The following PIK3R5 variants were observed in gnomAD, a reference collection of about 807,000 sequenced individuals.
PIK3R5 encodes the protein phosphoinositide 3-kinase regulatory subunit 5.
In PIK3R5, 32 loss-of-function variants were observed where a neutral mutation model predicts 94.9. The observed-to-expected ratio is 0.34, with a 90% confidence interval of 0.25 to 0.45. The LOEUF (loss-of-function observed/expected upper bound fraction) is 0.45, where lower values mean the gene tolerates loss of function less well. Among genes scored for constraint, PIK3R5 ranks in the 20% least tolerant of loss-of-function variants. The pLI is 1.00. For missense variants in PIK3R5, 853 were observed against 1,144.6 expected, an observed-to-expected ratio of 0.75 and a Z score of 3.68; for synonymous variants, 443 against 479.4, an observed-to-expected ratio of 0.92 and a Z score of 0.99.
rs1451783022 is a variant in PIK3R5 at position 8,965,703 on chromosome 17, C to A, written c.-121G>T. 1.3e-5 allele frequency: 2 copies of A among 152,288 alleles called. No individual in the cohort carries two copies. The highest frequency in any genetic ancestry group is 2.9e-5 in the Non-Finnish European group (2 of 68,086). The allele number at this position is 152,288 out of a possible 1,614,324, so 9.4% of individuals were successfully genotyped here. ...GCTGGAGCCGCGCGGCGAGCCGCAG[C>A]ATCTGCCCAGCCTGGGCTCCTCCGG... is the stretch of plus-strand genomic sequence containing the variant. On this transcript the variant is annotated 5_prime_UTR_variant, in exon 1 of 19. An upstream start codon of the reference 5' UTR is lost. Transcript: ENST00000447110.
chr17:8,918,557 C>T (rs1481115593), intron 1 of PIK3R5, among the ~76,000 whole-genome samples: 1 of 151,998 alleles, frequency 6.6e-6, no homozygotes, highest in Non-Finnish European at 1.5e-5. Flanking sequence ...GTCTTCTTTA[C>T]AAAAGAATTC....
intron 1 of PIK3R5, among the ~76,000 whole-genome samples, chr17:8,960,982 G>A (rs1440440730): frequency 1.3e-5 from 2 of 152,276 alleles, no homozygotes; most frequent in East Asian, 3.9e-4. Flanking sequence ...AGGGTGAGCA[G>A]GCCATAGCTG....
rs553998070 is a variant in PIK3R5 at position 8,962,276 on chromosome 17, A to G, written c.-14+3320T>C. On this transcript the variant is annotated intron_variant, in intron 1 of 18. Transcript: ENST00000447110. ...CACCATGAAGTCATAGCCAAAGGAG[A>G]AAAGGACAGGGAGAAAGATGAAAGA... is the stretch of plus-strand genomic sequence containing the variant. Among the ~76,000 whole-genome samples, 178 of 152,310 alleles carry G rather than the reference A, an allele frequency of 1.2e-3. 2 individuals carry two copies. The highest frequency in any genetic ancestry group is 4.0e-3 in the African/African-American group (166 of 41,568).
At chr17:8,894,600 G>C (rs2090108156) in intron 5 of PIK3R5, among the ~76,000 whole-genome samples, 1 of 152,162 alleles carries the variant, frequency 6.6e-6, no homozygotes. Context: ...ACACACCAAA[G>C]GTTTTCCTTT....
At chr17:8,910,660 G>C (rs987903746) in intron 2 of PIK3R5, among the ~76,000 whole-genome samples, 1 of 152,166 alleles carries the variant, frequency 6.6e-6, no homozygotes, top group African/African-American at 2.4e-5. Context: ...CAGCCTCTCA[G>C]AGGAAGCGAC....
chr17:8,882,146 G>T lies in PIK3R5; in HGVS notation c.2206-265C>A. The stretch of plus-strand genomic sequence containing the variant: ...AGAGCTGAGAGCACCTGCAGGGGTG[G>T]TCCTGAAGCTCTCCTGCCGGGCCCA... On this transcript the variant is annotated intron_variant, in intron 15 of 18. Transcript: ENST00000447110. The surrounding 1 kb of genome is among the most constrained non-coding windows in gnomAD (Gnocchi z 4.1). 4.2e-6 allele frequency: 2 copies of T among 481,896 alleles called. No individual in the cohort carries two copies. The highest frequency in any genetic ancestry group is 1.1e-3 in the Middle Eastern group (2 of 1,814). 29.9% of individuals were successfully genotyped at this position (481,896 alleles called of 1,614,324 possible).
intron 1 of PIK3R5, among the ~76,000 whole-genome samples, chr17:8,949,992 T>A (rs938773024): frequency 2.0e-5 from 3 of 152,178 alleles, no homozygotes; most frequent in African/African-American, 7.2e-5. Flanking sequence ...TATACATTAT[T>A]AAAAGACAGT....
At chr17:8,920,417 C>T (rs1369045686) in intron 1 of PIK3R5, among the ~76,000 whole-genome samples, 2 of 152,284 alleles carry the variant, frequency 1.3e-5, no homozygotes, top group East Asian at 3.9e-4. Flanking sequence ...AAAACAAAGG[C>T]TCTGAGTGGT....
Position 8,883,424 on chromosome 17 carries a change from T to C in PIK3R5, c.2205+1283A>G, listed in dbSNP as rs61761122. ...TTCATTGCAATTAAGGCTCTTGGTATGCTGGTCCCCCATTTCTTTAGCCTC... is the reference window on the plus strand; with the variant it reads ...TTCATTGCAATTAAGGCTCTTGGTACGCTGGTCCCCCATTTCTTTAGCCTC... On this transcript the variant is annotated intron_variant, in intron 15 of 18. Transcript: ENST00000447110. Among the ~76,000 whole-genome samples, 1,312 of 152,344 alleles carry C rather than the reference T, an allele frequency of 8.6e-3. 26 individuals are homozygous for C. The highest frequency in any genetic ancestry group is 0.03 in the African/African-American group (1,247 of 41,592).
Position 8,888,382 on chromosome 17 carries a change from G to T in PIK3R5, c.1405C>A (p.Pro469Thr). The T allele has an allele frequency of 6.2e-7, 1 of 1,605,254 alleles. No individual in the cohort carries two copies. The highest frequency in any genetic ancestry group is 8.5e-7 in the Non-Finnish European group (1 of 1,177,532). Residue 469 changes from proline to threonine, a missense_variant, in exon 10 of 19, where the codon CCC (proline) becomes ACC (threonine). By Grantham distance (38) the Pro-to-Thr change is conservative. This residue lies in a region of PIK3R5 where 319 missense variants were observed against 339.8 expected (regional missense o/e 0.94). Transcript: ENST00000447110. This position sits in a 1 kb window ranked among gnomAD's most constrained non-coding sequence, Gnocchi z 7.8. ...LCSPLDEPVSPPSRAQRSRSL... is the reference protein window; with the variant it reads ...LCSPLDEPVSTPSRAQRSRSL... ...CGGGAGCGCTGGGCCCGGGAAGGGGGTGATACTGGTTCGTCCAGGGGGCTG... is the reference window on the plus strand; with the variant it reads ...CGGGAGCGCTGGGCCCGGGAAGGGGTTGATACTGGTTCGTCCAGGGGGCTG...
intron 1 of PIK3R5, among the ~76,000 whole-genome samples, chr17:8,924,604 T>C (rs1038645714): frequency 1.3e-5 from 2 of 152,114 alleles, no homozygotes; most frequent in African/African-American, 4.8e-5. Context: ...CACCCCGTCT[T>C]CTCTCCATTA....
intron 11 of PIK3R5, 116 bp downstream of exon 11, chr17:8,887,405 G>T: frequency 7.5e-7 from 1 of 1,327,964 alleles, no homozygotes. Flanking sequence ...GTGAGGGCCA[G>T]GCAGGGGGAG....
Position 8,896,542 on chromosome 17 carries a change from AG to A in PIK3R5, c.413-2888del, listed in dbSNP as rs1477999777. 6.6e-6 allele frequency among the ~76,000 whole-genome samples: 1 copy of A among 152,196 alleles called. No individual in the cohort carries two copies. Among genetic ancestry groups the A allele is most frequent in the Non-Finnish European group, 1.5e-5 (1 of 68,042 alleles). On this transcript the variant is annotated intron_variant, in intron 5 of 18. Coordinates refer to ENST00000447110, the MANE Select transcript of PIK3R5 (RefSeq NM_001142633.3). This position sits in a 1 kb window ranked among gnomAD's most constrained non-coding sequence, Gnocchi z 4.0. ...CCCCATACAGGCGAAGAACGGGGTG[AG>A]TGGGCAGAACACACTCATAGTGAAG...
Position 8,905,610 on chromosome 17 carries a change from T to A in PIK3R5, c.273+59A>T, listed in dbSNP as rs368262215. ...AGAGGTGTGAGGGCTCTGCCCCAGA[T>A]AGAGGTCGCTCCTCCCCCTCCTCCC... On this transcript the variant is annotated intron_variant, in intron 4 of 18. Transcript: ENST00000447110. 2.3e-6 allele frequency: 3 copies of A among 1,284,332 alleles called. No homozygotes were observed. In the African/African-American group the frequency reaches 4.5e-5, roughly 19 times the overall value. 79.6% of individuals were successfully genotyped at this position (1,284,332 alleles called of 1,614,324 possible).
At chr17:8,887,456 A>G in intron 11 of PIK3R5, 65 bp downstream of exon 11, 1 of 1,511,720 alleles carries the variant, frequency 6.6e-7, no homozygotes, top group Non-Finnish European at 8.9e-7. Flanking sequence ...ATGACTTCCA[A>G]TCGGCTTCCT....
intron 1 of PIK3R5, among the ~76,000 whole-genome samples, chr17:8,922,471 C>T (rs1045827401): frequency 6.6e-6 from 1 of 152,146 alleles, no homozygotes; most frequent in African/African-American, 2.4e-5. Context: ...ATTCCTATGG[C>T]CCGAGCTTGA....
At chr17:8,951,078 G>A (rs1481298994) in intron 1 of PIK3R5, among the ~76,000 whole-genome samples, 2 of 152,142 alleles carry the variant, frequency 1.3e-5, no homozygotes, top group African/African-American at 4.8e-5. Flanking sequence ...TTTGATATGT[G>A]TGTTGACCAT....
chr17:8,944,303 C>T (rs1266546640), intron 1 of PIK3R5, among the ~76,000 whole-genome samples: 1 of 152,050 alleles, frequency 6.6e-6, no homozygotes, highest in Non-Finnish European at 1.5e-5. Flanking sequence ...GTATATGTAC[C>T]ACATTTCCTT....
chr17:8,903,614 A>T (rs2090336982), intron 5 of PIK3R5, among the ~76,000 whole-genome samples: 1 of 151,792 alleles, frequency 6.6e-6, no homozygotes. Context: ...TACAATATTG[A>T]TTCAACCCAG....
Sources: allele counts gnomAD v4.1 joint callset (sites outside exome capture counted in the v4.1 genomes callset), GRCh38; gene constraint gnomAD v4.1.1; regional missense constraint gnomAD v4.1.1; non-coding constraint Gnocchi (gnomAD v3.1); transcripts MANE v1.5; gene names NCBI Gene and HGNC (gene_info 2026-07-23, HGNC 2026-07-21).